The following STXBP5L variants were observed in gnomAD, a reference collection of about 807,000 sequenced individuals.
STXBP5L encodes the protein syntaxin-binding protein 5-like.
Under a neutral mutation model 144.5 loss-of-function variants are expected in STXBP5L, and 65 were observed. The ratio of observed to expected loss-of-function variants is 0.45; its 90% CI spans 0.37 to 0.55. The LOEUF (loss-of-function observed/expected upper bound fraction) is 0.55. Ranked by LOEUF, STXBP5L falls within the 20% of genes least tolerant of loss-of-function variation. STXBP5L has a pLI of 0.00. For missense variants in STXBP5L, 1,298 were observed against 1,405.5 expected (o/e 0.92, Z 1.22); for synonymous variants, 505 against 469.6 (o/e 1.08, Z -0.97).
At chr3:121,273,039 T>C (rs2050775912) in intron 18 of STXBP5L, among the ~76,000 whole-genome samples, 1 of 152,100 alleles carries the variant, frequency 6.6e-6, no homozygotes. Flanking sequence ...TAAAGTTGAT[T>C]TATACACCAT....
chr3:121,394,667 C>T (rs9860047), intron 22 of STXBP5L, among the ~76,000 whole-genome samples: 13,564 of 141,186 alleles, frequency 0.096, 897 homozygotes, highest in African/African-American at 0.19. Flanking sequence ...TGCAGTGGCA[C>T]GATCTCAGCT....
At chr3:121,400,410 A>G (rs2046843173) in intron 22 of STXBP5L, among the ~76,000 whole-genome samples, 1 of 152,184 alleles carries the variant, frequency 6.6e-6, no homozygotes, top group Non-Finnish European at 1.5e-5. Context: ...CTAGCATGTG[A>G]TCGGCCAACC....
chr3:121,173,278 T>C (rs571984463), intron 9 of STXBP5L, among the ~76,000 whole-genome samples: 43 of 151,764 alleles, frequency 2.8e-4, no homozygotes, highest in African/African-American at 9.2e-4. Flanking sequence ...TGTATACTTA[T>C]GTAACAAACC....
chr3:121,230,156 A>G (rs1559887204), intron 11 of STXBP5L, among the ~76,000 whole-genome samples: 1 of 152,202 alleles, frequency 6.6e-6, no homozygotes, highest in South Asian at 2.1e-4. Flanking sequence ...AACTGAGATA[A>G]TAGACAAACT....
intron 3 of STXBP5L, among the ~76,000 whole-genome samples, chr3:120,999,627 G>T (rs924028688): frequency 6.6e-6 from 1 of 151,860 alleles, no homozygotes; most frequent in African/African-American, 2.4e-5. Flanking sequence ...TGTTAGCTGG[G>T]GTTTTTTTTT....
At position 121,054,721 on chromosome 3, in the gene STXBP5L, G is replaced by A. The variant is rs143718068; in HGVS notation, c.470+9186G>A. ...AACCTGCACATTGTGCACATGTACC[G>A]TAAAACTTAAAGTATAATAATAATA... On this transcript the variant is annotated intron_variant, in intron 5 of 26. Transcript: ENST00000471454. Among the ~76,000 whole-genome samples, 233 of 151,772 alleles carry A rather than the reference G, an allele frequency of 1.5e-3. 1 individual carries two copies. Among genetic ancestry groups the A allele is most frequent in the African/African-American group, 4.7e-3 (194 of 41,428 alleles).
At chr3:121,011,568 T>A (rs754343548) in intron 3 of STXBP5L, among the ~76,000 whole-genome samples, 1 of 151,570 alleles carries the variant, frequency 6.6e-6, no homozygotes, top group Non-Finnish European at 1.5e-5. Context: ...CCATTATAGC[T>A]AAATATACTT....
intron 3 of STXBP5L, among the ~76,000 whole-genome samples, chr3:121,007,474 A>G (rs765801142): frequency 1.8e-4 from 28 of 151,970 alleles, no homozygotes; most frequent in Non-Finnish European, 3.7e-4. Flanking sequence ...AATTCCTTAA[A>G]TGTTTGCTGG....
intron 3 of STXBP5L, among the ~76,000 whole-genome samples, chr3:120,987,593 G>A (rs146759486): frequency 6.6e-6 from 1 of 151,552 alleles, no homozygotes; most frequent in Admixed American, 6.6e-5. Flanking sequence ...AACTTGACAG[G>A]GTTCTTCACA....
intron 18 of STXBP5L, among the ~76,000 whole-genome samples, chr3:121,269,924 T>G (rs1378337451): frequency 1.3e-5 from 2 of 152,190 alleles, no homozygotes; most frequent in Non-Finnish European, 2.9e-5. Context: ...TTGTGCCAGT[T>G]TGTTTATATT....
intron 5 of STXBP5L, among the ~76,000 whole-genome samples, chr3:121,103,019 C>G (rs929874446): frequency 8.5e-5 from 13 of 152,070 alleles, no homozygotes; most frequent in Non-Finnish European, 1.5e-4. Context: ...TCCTACCCAT[C>G]AGAATGGCTA....
At chr3:121,211,895 A>G (rs2108258080) in intron 10 of STXBP5L, among the ~76,000 whole-genome samples, 1 of 152,088 alleles carries the variant, frequency 6.6e-6, no homozygotes, top group South Asian at 2.1e-4. Flanking sequence ...CTGACTTTTT[A>G]AGGATCGCCA....
At chr3:121,313,260 A>T (rs1170659388) in intron 19 of STXBP5L, among the ~76,000 whole-genome samples, 1 of 127,476 alleles carries the variant, frequency 7.8e-6, no homozygotes, top group Non-Finnish European at 1.7e-5. Context: ...CTGGCCGGGC[A>T]GAGGGGCTCC....
intron 3 of STXBP5L, among the ~76,000 whole-genome samples, chr3:121,008,471 A>G (rs959595228): frequency 6.6e-6 from 1 of 152,072 alleles, no homozygotes. Flanking sequence ...TGATGGTATG[A>G]GGAAACCATT....
intron 7 of STXBP5L, among the ~76,000 whole-genome samples, chr3:121,148,137 T>G (rs1321360688): frequency 6.6e-6 from 1 of 152,068 alleles, no homozygotes; most frequent in African/African-American, 2.4e-5. Flanking sequence ...GGTTCTAATT[T>G]TTCGGAGAAC....
intron 20 of STXBP5L, chr3:121,357,788 C>G (rs1251349236): frequency 2.6e-5 from 4 of 151,972 alleles, no homozygotes; most frequent in Non-Finnish European, 4.4e-5. Flanking sequence ...CTAGATATTC[C>G]AAAATAGAGC....
At chr3:121,009,129 AG>A (rs1411371669) in intron 3 of STXBP5L, among the ~76,000 whole-genome samples, 2 of 151,960 alleles carry the variant, frequency 1.3e-5, no homozygotes, top group African/African-American at 4.8e-5. Context: ...CTCATTATGA[AG>A]GCAGTGGGGT....
chr3:121,301,053 C>A (rs536201399), intron 19 of STXBP5L, among the ~76,000 whole-genome samples: 1 of 152,076 alleles, frequency 6.6e-6, no homozygotes, highest in Admixed American at 6.6e-5. Flanking sequence ...TCCATATGAA[C>A]TTTAAAGTAG....
At chr3:121,111,448 C>G (rs1339238875) in intron 5 of STXBP5L, among the ~76,000 whole-genome samples, 2 of 152,100 alleles carry the variant, frequency 1.3e-5, no homozygotes, top group Admixed American at 1.3e-4. Context: ...AATGTTGTTG[C>G]TGCTTTCTAT....
Sources: allele counts gnomAD v4.1 joint callset (sites outside exome capture counted in the v4.1 genomes callset), GRCh38; gene constraint gnomAD v4.1.1; transcripts MANE v1.5; gene names NCBI Gene and HGNC (gene_info 2026-07-23, HGNC 2026-07-21).